Variants in OCA2 observed in about 807,000 individuals in gnomAD.
The protein encoded by OCA2 is OCA2 melanosomal transmembrane protein.
A neutral mutation model predicts 100.2 loss-of-function variants in OCA2; 77 were observed. The observed-to-expected ratio is 0.77, with a 90% confidence interval of 0.64 to 0.93. The LOEUF (loss-of-function observed/expected upper bound fraction) is 0.93, where lower values mean the gene tolerates loss of function less well. Ranked by LOEUF, OCA2 falls within the 40% of genes least tolerant of loss-of-function variation. OCA2 has a pLI of 0.00. For missense variants in OCA2, 1,062 were observed against 1,089.1 expected (o/e 0.98, Z 0.35); for synonymous variants, 432 against 439.2 (o/e 0.98, Z 0.21).
rs534063892 is a variant in OCA2, at chr15:28,054,868, T to C, written c.228-22705A>G. 3.3e-5 allele frequency among the ~76,000 whole-genome samples: 5 copies of C among 152,244 alleles called. No homozygotes were observed. In the South Asian group the frequency reaches 8.3e-4, roughly 25 times the overall value. ...ATCATGGCAGAAGGAGAAGCAAACA[T>C]GTCCTTCTTCACGTGGTGGGAGGAG... On this transcript the variant is annotated intron_variant, in intron 2 of 23. Transcript: ENST00000354638.
At chr15:28,069,816 G>A (rs1200788124) in intron 2 of OCA2, among the ~76,000 whole-genome samples, 1 of 134,112 alleles carries the variant, frequency 7.5e-6, no homozygotes, top group African/African-American at 3.4e-5. Context: ...CCTCTGCCCG[G>A]CCGCCACCCC....
At chr15:27,829,613 G>T (rs1036423312) in intron 23 of OCA2, among the ~76,000 whole-genome samples, 2 of 152,214 alleles carry the variant, frequency 1.3e-5, no homozygotes, top group Non-Finnish European at 2.9e-5. Flanking sequence ...TAGGATGGGA[G>T]GTGTGAGCTG....
chr15:27,952,793 C>T (rs921686648), intron 17 of OCA2, among the ~76,000 whole-genome samples: 1 of 152,124 alleles, frequency 6.6e-6, no homozygotes, highest in African/African-American at 2.4e-5. Flanking sequence ...ATCCTCCTAC[C>T]TCAGCCTCCC....
chr15:28,037,469 C>G (rs2043078648), intron 2 of OCA2, among the ~76,000 whole-genome samples: 1 of 152,158 alleles, frequency 6.6e-6, no homozygotes, highest in Non-Finnish European at 1.5e-5. Context: ...AGGCCGCAGA[C>G]AGCAGAAGCG....
chr15:27,759,382 T>A (rs905383318), intron 23 of OCA2, among the ~76,000 whole-genome samples: 2 of 152,110 alleles, frequency 1.3e-5, no homozygotes, highest in African/African-American at 4.8e-5. Flanking sequence ...AGCAAATGTA[T>A]GGTTAAATAT....
In OCA2 at chr15:27,896,357, G is replaced by A. The variant is rs1435078012; in HGVS notation, c.2080-24435C>T. 7.8e-5 allele frequency: 60 copies of A among 770,556 alleles called. 1 individual carries two copies. Among genetic ancestry groups the A allele is most frequent in the South Asian group, 7.6e-4 (57 of 74,710 alleles). 47.7% of individuals were successfully genotyped at this position (770,556 alleles called of 1,614,324 possible). On this transcript the variant is annotated intron_variant, in intron 19 of 23. Transcript: ENST00000354638. ...AAGATGAAGATGCTTACCAGAAACAGTTCGTTCAATACAGGAAGAACAGTG... is the reference window on the plus strand; with the variant it reads ...AAGATGAAGATGCTTACCAGAAACAATTCGTTCAATACAGGAAGAACAGTG...
At chr15:27,787,191 A>G (rs182519772) in intron 23 of OCA2, among the ~76,000 whole-genome samples, 24 of 152,206 alleles carry the variant, frequency 1.6e-4, no homozygotes, top group Admixed American at 1.5e-3. Flanking sequence ...ACTTGCTAAT[A>G]TTTTGTTGAG....
chr15:27,823,511 C>T (rs1165799681), intron 23 of OCA2, among the ~76,000 whole-genome samples: 2 of 152,124 alleles, frequency 1.3e-5, no homozygotes, highest in Admixed American at 6.5e-5. Context: ...TGATTTAATG[C>T]CATGTTTACC....
At chr15:28,063,264 T>A (rs2043929223) in intron 2 of OCA2, among the ~76,000 whole-genome samples, 1 of 152,128 alleles carries the variant, frequency 6.6e-6, no homozygotes, top group South Asian at 2.1e-4. Context: ...TGATATACCT[T>A]TTTCCATTCT....
At chr15:28,073,434 A>C (rs2044327453) in intron 2 of OCA2, among the ~76,000 whole-genome samples, 1 of 152,202 alleles carries the variant, frequency 6.6e-6, no homozygotes, top group Non-Finnish European at 1.5e-5. Flanking sequence ...GAATGAAATC[A>C]TCTCCTTTGC....
In OCA2 at chr15:27,766,047, T is replaced by G. The variant is rs60907809; in HGVS notation, c.2433-10575A>C. On this transcript the variant is annotated intron_variant, in intron 23 of 23. Coordinates refer to ENST00000354638, the MANE Select transcript of OCA2 (RefSeq NM_000275.3). ...CCTATTTAAGATGGAGTCGCTCTGG[T>G]TCAGACAGCTCTGACAAAGGAACTT... Among the ~76,000 whole-genome samples the G allele has an allele frequency of 6.7e-3, 1,022 of 152,248 alleles. 11 individuals carry two copies. Among genetic ancestry groups the G allele is most frequent in the African/African-American group, 0.024 (978 of 41,522 alleles).
At chr15:27,901,727 C>T (rs2037942413) in intron 19 of OCA2, among the ~76,000 whole-genome samples, 1 of 152,240 alleles carries the variant, frequency 6.6e-6, no homozygotes, top group Admixed American at 6.5e-5. Flanking sequence ...AGCCTATCCA[C>T]TTACAATGTA....
At chr15:28,081,605 G>C in intron 2 of OCA2, 43 bp downstream of exon 2, 2 of 1,566,268 alleles carry the variant, frequency 1.3e-6, no homozygotes, top group Non-Finnish European at 1.8e-6. Context: ...AACCCAATCT[G>C]TGTGAAGTCC....
chr15:28,025,045 C>T, intron 4 of OCA2, 143 bp from the exon 5 acceptor site: 1 of 786,388 alleles, frequency 1.3e-6, no homozygotes, highest in Non-Finnish European at 2.2e-6. Context: ...AGGGAGAACA[C>T]CCTCATATCA....
chr15:28,034,329 G>A (rs958242422), intron 2 of OCA2, among the ~76,000 whole-genome samples: 4 of 152,072 alleles, frequency 2.6e-5, no homozygotes, highest in African/African-American at 9.7e-5. Flanking sequence ...CATTAACTAA[G>A]GAGATGTAAA....
At chr15:27,962,963 C>A (rs2040454603) in intron 15 of OCA2, among the ~76,000 whole-genome samples, 1 of 152,032 alleles carries the variant, frequency 6.6e-6, no homozygotes, top group East Asian at 1.9e-4. Flanking sequence ...CACACTAACA[C>A]TAGTCAAGAG....
At position 27,824,602 on chromosome 15, in the gene OCA2, C is replaced by CTCTCTCTATATATATA; in HGVS notation, c.2432+20356_2432+20357insTATATATATAGAGAGA. On this transcript the variant is annotated intron_variant, in intron 23 of 23. Coordinates refer to ENST00000354638, the MANE Select transcript of OCA2 (RefSeq NM_000275.3). ...TTTCTCTCTCTCTCTCTCTCTCTCT[C>CTCTCTCTATATATATA]TATATATATATATATATATAATATA... 7.4e-4 allele frequency among the ~76,000 whole-genome samples: 35 copies of CTCTCTCTATATATATA among 47,592 alleles called. 3 individuals are homozygous for CTCTCTCTATATATATA. The highest frequency in any genetic ancestry group is 3.5e-3 in the African/African-American group (22 of 6,320). The allele number at this position is 47,592 out of a possible 152,430, so 31.2% of individuals were successfully genotyped here. A position where few individuals can be genotyped will look rare whatever the true frequency, so the allele number is the denominator to read the frequency against.
At chr15:28,041,169 T>G (rs949898315) in intron 2 of OCA2, among the ~76,000 whole-genome samples, 1 of 152,014 alleles carries the variant, frequency 6.6e-6, no homozygotes, top group African/African-American at 2.4e-5. Context: ...TACACCATGA[T>G]GAAGTAGGAT....
chr15:27,775,078 G>A (rs908248964), intron 23 of OCA2, among the ~76,000 whole-genome samples: 3 of 140,386 alleles, frequency 2.1e-5, no homozygotes, highest in Middle Eastern at 3.2e-3. Flanking sequence ...GTGTGTGTGT[G>A]TGTGTGTGTG....
Sources: gnomAD v4.1 joint callset for allele counts (sites outside exome capture counted in the v4.1 genomes callset) on GRCh38, gnomAD v4.1.1 for gene constraint, MANE v1.5 for transcripts, NCBI Gene and HGNC (gene_info 2026-07-23, HGNC 2026-07-21) for gene names.